The following GFI1B variants were observed in gnomAD, a reference collection of about 807,000 sequenced individuals.
GFI1B encodes the protein growth factor independent 1B transcriptional repressor.
Under a neutral mutation model 35.3 loss-of-function variants are expected in GFI1B, and 20 were observed. That is an observed-to-expected ratio of 0.57 (90% CI 0.40 to 0.82). The LOEUF (loss-of-function observed/expected upper bound fraction) is 0.82, where lower values mean the gene tolerates loss of function less well. Ranked by LOEUF, GFI1B falls within the 40% of genes least tolerant of loss-of-function variation. The probability of loss-of-function intolerance (pLI) is 0.00; values close to 1 mark genes in which losing one functional copy is unlikely to be tolerated. For missense variants in GFI1B, 430 were observed against 446.3 expected (o/e 0.96, Z 0.33); for synonymous variants, 178 against 177.6 (o/e 1.00, Z -0.02).
chr9:132,962,829 G>A (rs1426271489), intron 1 of GFI1B, among the ~76,000 whole-genome samples: 2 of 151,952 alleles, frequency 1.3e-5, no homozygotes, highest in African/African-American at 4.8e-5. Context: ...CCACTAATTT[G>A]GGAGGCCAAG....
chr9:132,990,289 A>C (rs1172757905), intron 6 of GFI1B, among the ~76,000 whole-genome samples: 1 of 151,686 alleles, frequency 6.6e-6, no homozygotes, highest in Non-Finnish European at 1.5e-5. Flanking sequence ...TTGCTCATTC[A>C]TTTGTTCACT....
chr9:132,946,476 T>G (rs964619282), intron 1 of GFI1B: 1 of 152,164 alleles, frequency 6.6e-6, no homozygotes, highest in Non-Finnish European at 1.5e-5. Flanking sequence ...CACCAAACAC[T>G]AAATTCTTCT....
chr9:132,985,637 A>G (rs550795797), intron 1 of GFI1B, among the ~76,000 whole-genome samples: 1 of 152,140 alleles, frequency 6.6e-6, no homozygotes, highest in Non-Finnish European at 1.5e-5. Context: ...TGGATTGGCA[A>G]TGTCCCCTCG....
intron 1 of GFI1B, among the ~76,000 whole-genome samples, chr9:132,970,591 G>A (rs1047303112): frequency 1.4e-4 from 21 of 152,280 alleles, no homozygotes; most frequent in African/African-American, 5.1e-4. Context: ...AGTGGATCAG[G>A]CAGATTGCCC....
chr9:132,991,007 T>C lies in GFI1B; in HGVS notation c.950T>C (p.Val317Ala). 1 of 1,614,100 alleles carries C rather than the reference T, an allele frequency of 6.2e-7. No homozygotes were observed. Among genetic ancestry groups the C allele is most frequent in the Non-Finnish European group, 8.5e-7 (1 of 1,179,964 alleles). ...TGCACCAAAGGCTTCCAGCGCAAGG[T>C]GGACCTGCGGCGGCACCGCGAGAGC... ...ELCTKGFQRK[V>A]DLRRHRESQH... The change falls in exon 7 of 7, where the codon GTG (valine) becomes GCG (alanine). Residue 317 changes from valine to alanine, a missense_variant. Physicochemically the swap from Val to Ala is moderately conservative, Grantham distance 64. Transcript: ENST00000372122.
Position 132,986,238 on chromosome 9 carries a change from G to A in GFI1B, c.-20-421G>A, listed in dbSNP as rs914103528. 6.1e-5 allele frequency among the ~76,000 whole-genome samples: 9 copies of A among 148,666 alleles called. No individual in the cohort carries two copies. In the East Asian group the frequency reaches 1.4e-3, roughly 22 times the overall value. On this transcript the variant is annotated intron_variant, in intron 1 of 6. Coordinates refer to ENST00000372122, the MANE Select transcript of GFI1B (RefSeq NM_001377304.1). ...TTCATGCCCCTCTCTGAGTTCTGGC[G>A]GCTGTCGGCACTGCCTGGCATTCTC...
At chr9:132,957,400 C>T (rs749559105) in intron 1 of GFI1B, among the ~76,000 whole-genome samples, 1 of 152,226 alleles carries the variant, frequency 6.6e-6, no homozygotes, top group Non-Finnish European at 1.5e-5. Flanking sequence ...TTGTTCTAAG[C>T]ACTCTACATG....
chr9:132,985,706 C>G (rs967227724), intron 1 of GFI1B, among the ~76,000 whole-genome samples: 2 of 152,172 alleles, frequency 1.3e-5, no homozygotes, highest in Non-Finnish European at 2.9e-5. Context: ...CTGTGATGCA[C>G]CTGTCAGCAC....
chr9:132,950,383 C>T (rs1848182693), intron 1 of GFI1B, among the ~76,000 whole-genome samples: 1 of 151,824 alleles, frequency 6.6e-6, no homozygotes, highest in Non-Finnish European at 1.5e-5. Context: ...TTCCTTCCAC[C>T]ACACCGCCTG....
intron 1 of GFI1B, among the ~76,000 whole-genome samples, chr9:132,965,992 AAAATT>A (rs1371416177): frequency 6.6e-6 from 1 of 152,246 alleles, no homozygotes; most frequent in Non-Finnish European, 1.5e-5. Context: ...CCTGGAACTT[AAAATT>A]AAATTAAATT....
At chr9:132,947,412 C>CAAAAAA (rs35035214) in intron 1 of GFI1B, among the ~76,000 whole-genome samples, 3 of 95,932 alleles carry the variant, frequency 3.1e-5, no homozygotes, top group African/African-American at 1.5e-4. Flanking sequence ...TTTAATCGAG[C>CAAAAAA]AAAAAAAAAA....
At chr9:132,967,751 C>T (rs373830400) in intron 1 of GFI1B, among the ~76,000 whole-genome samples, 1 of 151,464 alleles carries the variant, frequency 6.6e-6, no homozygotes, top group Non-Finnish European at 1.5e-5. Context: ...CATATATACA[C>T]GTGTGTGTGT....
In GFI1B at chr9:132,986,362, G is replaced by A. The variant is rs78483609; in HGVS notation, c.-20-297G>A. Among the ~76,000 whole-genome samples the A allele has an allele frequency of 2.0e-3, 311 of 152,128 alleles. 2 individuals carry two copies. Among genetic ancestry groups the A allele is most frequent in the African/African-American group, 7.0e-3 (292 of 41,490 alleles). ...CTCTGCTCTGTTGTCGGCACACGGCGTTCTCCCTGGGTGTCTGTGTCTCTG... is the reference window on the plus strand; with the variant it reads ...CTCTGCTCTGTTGTCGGCACACGGCATTCTCCCTGGGTGTCTGTGTCTCTG... On this transcript the variant is annotated intron_variant, in intron 1 of 6. Coordinates refer to ENST00000372122, the MANE Select transcript of GFI1B (RefSeq NM_001377304.1).
Position 132,988,243 on chromosome 9 carries a change from G to C in GFI1B, c.285G>C (p.Leu95=), listed in dbSNP as rs757574416. Residue 95 remains leucine (L), a synonymous_variant, in exon 4 of 7, where the codon CTG becomes CTC. Transcript: ENST00000372122. ...LSRPQDGDSP[L]SDSPPFYKPS... ...GACCCCAGGATGGGGACTCTCCACT[G>C]TCCGACTCACCCCCATTCTACAAGC... The C allele has an allele frequency of 6.2e-7, 1 of 1,613,990 alleles. No individual in the cohort carries two copies.
chr9:132,974,437 T>C (rs1206691243), upstream of GFI1B, among the ~76,000 whole-genome samples: 1 of 151,546 alleles, frequency 6.6e-6, no homozygotes, highest in Non-Finnish European at 1.5e-5. Flanking sequence ...CTATCTCTAC[T>C]AAAAACACAA....
intron 1 of GFI1B, among the ~76,000 whole-genome samples, chr9:132,981,831 C>T (rs1848831638): frequency 6.6e-6 from 1 of 152,108 alleles, no homozygotes; most frequent in African/African-American, 2.4e-5. Flanking sequence ...GGGCTCACCG[C>T]AACCTCCGCC....
At chr9:132,973,657 G>A (rs1848572916) in intron 2 of GFI1B, among the ~76,000 whole-genome samples, 1 of 152,200 alleles carries the variant, frequency 6.6e-6, no homozygotes, top group South Asian at 2.1e-4. Context: ...CTGTGAAGGA[G>A]GGGGCTGAAG....
At chr9:132,985,028 C>T (rs72759457) in intron 1 of GFI1B, among the ~76,000 whole-genome samples, 18,743 of 152,006 alleles carry the variant, frequency 0.12, 1,349 homozygotes, top group African/African-American at 0.2. Flanking sequence ...CTTCTCCGGA[C>T]CCTATCACCC....
chr9:132,981,872 C>T (rs1163866832), intron 1 of GFI1B, among the ~76,000 whole-genome samples: 1 of 152,138 alleles, frequency 6.6e-6, no homozygotes, highest in Non-Finnish European at 1.5e-5. Context: ...CCAGCCTCAG[C>T]CTCCCGAGTA....
Sources: gnomAD v4.1 joint callset for allele counts (sites outside exome capture counted in the v4.1 genomes callset) on GRCh38, gnomAD v4.1.1 for gene constraint, MANE v1.5 for transcripts, NCBI Gene and HGNC (gene_info 2026-07-23, HGNC 2026-07-21) for gene names.